The following STAB2 variants were observed in gnomAD, a reference collection of about 807,000 sequenced individuals.
STAB2 encodes the protein stabilin-2.
Under a neutral mutation model 338.1 loss-of-function variants are expected in STAB2, and 288 were observed. The ratio of observed to expected loss-of-function variants is 0.85; its 90% CI spans 0.77 to 0.94. STAB2 has a LOEUF of 0.94. Ranked by LOEUF, STAB2 falls within the 40% of genes least tolerant of loss-of-function variation. The probability of loss-of-function intolerance (pLI) is 0.00; values close to 1 mark genes in which losing one functional copy is unlikely to be tolerated. For synonymous variants in STAB2, 1,202 were observed against 1,193.3 expected, an observed-to-expected ratio of 1.01 and a Z score of -0.15; for missense variants, 3,141 against 3,210.1, an observed-to-expected ratio of 0.98 and a Z score of 0.52.
chr12:103,662,376 C>A (rs1206389155), intron 17 of STAB2, among the ~76,000 whole-genome samples: 3 of 152,072 alleles, frequency 2.0e-5, no homozygotes, highest in Non-Finnish European at 4.4e-5. Context: ...GATCAGAAAT[C>A]TTTGCTAATT....
In STAB2 at chr12:103,601,856, G is replaced by A. The variant is rs143674176; in HGVS notation, c.331+7346G>A. ...TCCAGTGAGAATAAACTATAGAAAA[G>A]GATGTTTCTAAGGTCTAAATAGAAA... On this transcript the variant is annotated intron_variant, in intron 3 of 68. Coordinates refer to ENST00000388887, the MANE Select transcript of STAB2 (RefSeq NM_017564.10). Among the ~76,000 whole-genome samples the A allele has an allele frequency of 3.9e-3, 590 of 152,180 alleles. 3 individuals are homozygous for A. Among genetic ancestry groups the A allele is most frequent in the African/African-American group, 0.013 (522 of 41,524 alleles).
chr12:103,591,166 T>C, intron 2 of STAB2, 136 bp downstream of exon 2: 1 of 1,166,728 alleles, frequency 8.6e-7, no homozygotes, highest in African/African-American at 1.6e-5. Context: ...TCACAATTTA[T>C]GAACTTAAGT....
At position 103,655,102 on chromosome 12, in the gene STAB2, T is replaced by G. The variant is rs1238803179; in HGVS notation, c.1552-149T>G. On this transcript the variant is annotated intron_variant, in intron 13 of 68. Transcript: ENST00000388887. ...CTACTGTTTCAACGACAGCGAACATTTATATAATGCATTGCAGTTGACCAG... is the reference window on the plus strand; with the variant it reads ...CTACTGTTTCAACGACAGCGAACATGTATATAATGCATTGCAGTTGACCAG... 11 of 768,710 alleles carry G rather than the reference T, an allele frequency of 1.4e-5. No homozygotes were observed. In the East Asian group the frequency reaches 2.5e-4, roughly 17 times the overall value. 47.6% of individuals were successfully genotyped at this position (768,710 alleles called of 1,614,324 possible).
At chr12:103,687,710 T>C (rs1289755000) in intron 27 of STAB2, among the ~76,000 whole-genome samples, 1 of 152,226 alleles carries the variant, frequency 6.6e-6, no homozygotes, top group Non-Finnish European at 1.5e-5. Context: ...TTTAGGTAAC[T>C]GGCCTAGGGA....
At chr12:103,758,414 A>G (rs945555723) in intron 64 of STAB2, 125 bp downstream of exon 64, 11 of 1,479,308 alleles carry the variant, frequency 7.4e-6, no homozygotes, top group African/African-American at 5.5e-5. Context: ...GATCATCTGC[A>G]GATCAGTTGG....
At chr12:103,739,378 T>C in intron 53 of STAB2, 34 bp from the exon 54 acceptor site, 1 of 1,546,016 alleles carries the variant, frequency 6.5e-7, no homozygotes, top group Non-Finnish European at 8.7e-7. Context: ...TCTGATATTC[T>C]TGGTTTTCAA....
rs1033857091 is a variant in STAB2, at chr12:103,755,635, G to C, written c.6904G>C (p.Gly2302Arg). 3.7e-6 allele frequency: 6 copies of C among 1,614,132 alleles called. No individual in the cohort carries two copies. The highest frequency in any genetic ancestry group is 5.1e-6 in the Non-Finnish European group (6 of 1,180,030). The change falls in exon 63 of 69, where the codon GGC becomes CGC. Residue 2302 changes from glycine (G) to arginine (R), a missense_variant. Physicochemically the swap from Gly to Arg is moderately radical, Grantham distance 125. Transcript: ENST00000388887. ...MKDVNCTCKV[G>R]YVGDGFSCSG... ...AGATGTGAACTGCACCTGCAAGGTG[G>C]GCTATGTGGGAGATGGCTTCTCATG...
chr12:103,727,345 G>A lies in STAB2; in HGVS notation c.4930G>A (p.Ala1644Thr). Reference sequence around the variant, plus strand: ...TTTATCTGCAGCCTTTGATGAGGAAGCTCGGGTGAGCATGAGACTGTGGGC... The same window carrying A: ...TTTATCTGCAGCCTTTGATGAGGAAACTCGGGTGAGCATGAGACTGTGGGC... The part of the protein sequence containing the change: ...APLSAAFDEE[A>T]RVKDWDKYGL... The change falls in exon 47 of 69, where the codon GCT (alanine) becomes ACT (threonine). Residue 1644 changes from alanine (A) to threonine (T), a missense_variant. Transcript: ENST00000388887. 1 of 1,614,224 alleles carries A rather than the reference G, an allele frequency of 6.2e-7. No individual in the cohort carries two copies. The highest frequency in any genetic ancestry group is 1.1e-5 in the South Asian group (1 of 91,088).
chr12:103,594,846 A>C (rs1438770327), intron 3 of STAB2, among the ~76,000 whole-genome samples: 1 of 152,214 alleles, frequency 6.6e-6, no homozygotes, highest in African/African-American at 2.4e-5. Flanking sequence ...TTTCTTTAAG[A>C]AGAAATTTTG....
At chr12:103,737,822 C>T in intron 53 of STAB2, 42 bp downstream of exon 53, 3 of 1,610,522 alleles carry the variant, frequency 1.9e-6, no homozygotes, top group Non-Finnish European at 2.5e-6. Context: ...AACCTTAAGC[C>T]AAAGAATGGC....
intron 16 of STAB2, 136 bp downstream of exon 16, chr12:103,660,520 GT>G: frequency 7.9e-7 from 1 of 1,268,182 alleles, no homozygotes; most frequent in South Asian, 1.2e-5. Flanking sequence ...TGAACAATGA[GT>G]CCATTATCAG....
chr12:103,747,749 C>A lies in STAB2; in HGVS notation c.6244+1045C>A, dbSNP rs150075360. On this transcript the variant is annotated intron_variant, in intron 58 of 68. Coordinates refer to ENST00000388887, the MANE Select transcript of STAB2 (RefSeq NM_017564.10). ...ATGGCTCACACCTGTAATTCTAGCA[C>A]TTTGGGAGGCCGGGGTGGGCAGATC... Among the ~76,000 whole-genome samples, 1,424 of 152,246 alleles carry A rather than the reference C, an allele frequency of 9.4e-3. 21 individuals are homozygous for A. Among genetic ancestry groups the A allele is most frequent in the African/African-American group, 0.033 (1,361 of 41,534 alleles).
chr12:103,766,119 C>T, intron 68 of STAB2, 167 bp from the exon 69 acceptor site: 1 of 913,982 alleles, frequency 1.1e-6, no homozygotes, highest in Non-Finnish European at 1.8e-6. Context: ...TACCCCCAGC[C>T]CATCCTGCCT....
chr12:103,686,819 C>G (rs1344493458), intron 27 of STAB2, among the ~76,000 whole-genome samples: 1 of 152,140 alleles, frequency 6.6e-6, no homozygotes, highest in Non-Finnish European at 1.5e-5. Flanking sequence ...AAACAGCTTT[C>G]CGCTGCAGTT....
At chr12:103,670,136 C>T (rs868668253) in intron 21 of STAB2, among the ~76,000 whole-genome samples, 1 of 151,618 alleles carries the variant, frequency 6.6e-6, no homozygotes, top group Middle Eastern at 3.4e-3. Context: ...GCCTCTAAAA[C>T]GTGGCTTTTT....
chr12:103,710,592 C>T (rs1879763316), intron 39 of STAB2, among the ~76,000 whole-genome samples: 1 of 152,060 alleles, frequency 6.6e-6, no homozygotes, highest in Non-Finnish European at 1.5e-5. Flanking sequence ...AGAGCAGGTT[C>T]CAGAGAAAAG....
At chr12:103,717,299 G>C (rs1205403172) in intron 43 of STAB2, among the ~76,000 whole-genome samples, 1 of 152,222 alleles carries the variant, frequency 6.6e-6, no homozygotes, top group African/African-American at 2.4e-5. Flanking sequence ...GGGTTTGATA[G>C]ATTGTTTCCA....
In STAB2 at chr12:103,761,100, C is replaced by T. The variant is rs1242529442; in HGVS notation, c.7249-200C>T. 6.6e-5 allele frequency among the ~76,000 whole-genome samples: 10 copies of T among 152,122 alleles called. No homozygotes were observed. The South Asian group carries it at 1.2e-3, about 19-fold the overall frequency. Reference sequence around the variant, plus strand: ...AATGACCCATAAGGTTCTCTGCAGCCCTCAGATCAGCTTGTTGGCACAGGA... The same window carrying T: ...AATGACCCATAAGGTTCTCTGCAGCTCTCAGATCAGCTTGTTGGCACAGGA... On this transcript the variant is annotated intron_variant, in intron 65 of 68. Transcript: ENST00000388887.
chr12:103,689,504 A>C (rs1877738080), intron 28 of STAB2, among the ~76,000 whole-genome samples: 1 of 152,048 alleles, frequency 6.6e-6, no homozygotes, highest in Non-Finnish European at 1.5e-5. Flanking sequence ...GAAAAAAAAA[A>C]ATGAATGCTC....
Sources: allele counts gnomAD v4.1 joint callset (sites outside exome capture counted in the v4.1 genomes callset), GRCh38; gene constraint gnomAD v4.1.1; transcripts MANE v1.5; gene names NCBI Gene and HGNC (gene_info 2026-07-23, HGNC 2026-07-21).